The following PDE11A variants were observed in gnomAD, a reference collection of about 807,000 sequenced individuals.
PDE11A encodes the protein phosphodiesterase 11A.
PDE11A carries 100 observed loss-of-function variants against 100.5 expected under a neutral mutation model. The ratio of observed to expected loss-of-function variants is 1.00; its 90% CI spans 0.85 to 1.18. PDE11A has a LOEUF of 1.18. Among genes scored for constraint, PDE11A ranks in the 50% most tolerant of loss-of-function variants. PDE11A has a pLI of 0.00. For synonymous variants in PDE11A, 381 were observed against 420.8 expected (o/e 0.91, Z 1.16); for missense variants, 1,141 against 1,152.6 (o/e 0.99, Z 0.15).
At chr2:177,686,958 C>G (rs1282132912) in intron 15 of PDE11A, 1 of 151,966 alleles carries the variant, frequency 6.6e-6, no homozygotes, top group Non-Finnish European at 1.5e-5. Context: ...CTCAGGTAAT[C>G]CACTCACCTC....
At chr2:177,899,577 T>TC (rs1257733099) in intron 3 of PDE11A, 1 of 327,414 alleles carries the variant, frequency 3.1e-6, no homozygotes, top group East Asian at 1.3e-4. Context: ...CTAATACACA[T>TC]CCCTTACATA....
intron 5 of PDE11A, 60 bp downstream of exon 5, chr2:177,875,799 A>T: frequency 9.5e-7 from 1 of 1,049,402 alleles, no homozygotes; most frequent in South Asian, 1.3e-5. Context: ...GAATTATGCA[A>T]TGCTGCTAAC....
At chr2:177,981,752 A>G (rs925315489) in intron 2 of PDE11A, among the ~76,000 whole-genome samples, 4 of 151,188 alleles carry the variant, frequency 2.6e-5, no homozygotes, top group Non-Finnish European at 3.0e-5. Flanking sequence ...CTTGCTAGAA[A>G]TATTCTGCAG....
intron 10 of PDE11A, among the ~76,000 whole-genome samples, chr2:177,755,134 A>T (rs1015823788): frequency 6.6e-6 from 1 of 152,194 alleles, no homozygotes; most frequent in South Asian, 2.1e-4. Context: ...ATTAGTGAGG[A>T]GTTCCTGGAC....
At chr2:177,983,906 A>C (rs1040113644) in intron 2 of PDE11A, among the ~76,000 whole-genome samples, 1 of 152,182 alleles carries the variant, frequency 6.6e-6, no homozygotes, top group Non-Finnish European at 1.5e-5. Context: ...TTCTAGATGA[A>C]GAGTTCTGAA....
At chr2:177,778,691 G>A (rs367722881) in intron 9 of PDE11A, among the ~76,000 whole-genome samples, 22 of 152,262 alleles carry the variant, frequency 1.4e-4, no homozygotes, top group African/African-American at 3.4e-4. Context: ...GGAATAACCC[G>A]ACAGAAGTGT....
At chr2:178,061,601 G>C (rs191351653) in intron 1 of PDE11A, among the ~76,000 whole-genome samples, 1 of 152,222 alleles carries the variant, frequency 6.6e-6, no homozygotes, top group African/African-American at 2.4e-5. Context: ...AGATAAATAG[G>C]GAAGAGTAAA....
intron 1 of PDE11A, among the ~76,000 whole-genome samples, chr2:178,028,624 T>C (rs139478784): frequency 9.1e-4 from 138 of 152,312 alleles, no homozygotes; most frequent in African/African-American, 3.1e-3. Context: ...TTAGAACTGT[T>C]CTCTTGTCTG....
At chr2:177,987,812 C>G (rs35924394) in intron 2 of PDE11A, among the ~76,000 whole-genome samples, 9,553 of 152,184 alleles carry the variant, frequency 0.063, 314 homozygotes, top group South Asian at 0.094. Flanking sequence ...TTTGTGTTAT[C>G]ATAAAAGAAG....
intron 6 of PDE11A, among the ~76,000 whole-genome samples, chr2:177,835,814 C>A (rs186654435): frequency 2.0e-5 from 3 of 152,210 alleles, no homozygotes; most frequent in African/African-American, 7.2e-5. Flanking sequence ...ACTTAGCACC[C>A]GGGCCAGCAG....
intron 3 of PDE11A, among the ~76,000 whole-genome samples, chr2:177,899,804 C>A (rs1050368925): frequency 6.7e-6 from 1 of 150,008 alleles, no homozygotes; most frequent in African/African-American, 2.4e-5. Flanking sequence ...TACATATGTA[C>A]CCTCCTTAAT....
Position 177,737,420 on chromosome 2 carries a change from T to TACAC in PDE11A, c.1789-9252_1789-9249dup, listed in dbSNP as rs567621311. Reference sequence around the variant, plus strand: ...AGTGAAACCCCGTCTCTACTAAAAATACACACACACATACACACACACACA... The same window carrying TACAC: ...AGTGAAACCCCGTCTCTACTAAAAATACACACACACACACATACACACACACACA... On this transcript the variant is annotated intron_variant, in intron 10 of 19. Coordinates refer to ENST00000286063, the MANE Select transcript of PDE11A (RefSeq NM_016953.4). 1.8e-3 allele frequency among the ~76,000 whole-genome samples: 200 copies of TACAC among 110,504 alleles called. 13 individuals carry two copies. The highest frequency in any genetic ancestry group is 3.6e-3 in the African/African-American group (128 of 35,930). The allele number at this position is 110,504 out of a possible 152,430, so 72.5% of individuals were successfully genotyped here.
At chr2:178,047,386 C>T (rs1204476440) in intron 1 of PDE11A, among the ~76,000 whole-genome samples, 2 of 151,658 alleles carry the variant, frequency 1.3e-5, no homozygotes, top group Non-Finnish European at 2.9e-5. Context: ...TAGCTTGAAC[C>T]CAGGAGGCGG....
At chr2:177,803,307 T>TAACAAC (rs146272694) in intron 9 of PDE11A, among the ~76,000 whole-genome samples, 3,759 of 151,120 alleles carry the variant, frequency 0.025, 140 homozygotes, top group African/African-American at 0.086. Context: ...AAAAATCTCC[T>TAACAAC]AACAACAACA....
At chr2:177,675,670 C>T (rs779670586) in intron 16 of PDE11A, 152 bp from the exon 17 acceptor site, 103 of 717,632 alleles carry the variant, frequency 1.4e-4, no homozygotes, top group Non-Finnish European at 2.3e-4. Context: ...TGTTTATAGT[C>T]CCTGTGTTCA....
At chr2:177,796,929 C>T (rs533124611) in intron 9 of PDE11A, 18 of 152,284 alleles carry the variant, frequency 1.2e-4, no homozygotes, top group Non-Finnish European at 2.5e-4. Flanking sequence ...CTCCTAGGAT[C>T]TGCACTGTAA....
intron 5 of PDE11A, among the ~76,000 whole-genome samples, chr2:177,871,525 A>AATTATTATTATTATTATT (rs142275376): frequency 7.2e-6 from 1 of 138,266 alleles, no homozygotes; most frequent in Non-Finnish European, 1.5e-5. Context: ...GTCAGTAGTA[A>AATTATTATTATTATTATT]ATTATTATTA....
chr2:177,719,982 C>T (rs1370243041), intron 12 of PDE11A, among the ~76,000 whole-genome samples: 1 of 151,952 alleles, frequency 6.6e-6, no homozygotes, highest in Admixed American at 6.6e-5. Context: ...CTAATGGAAG[C>T]TGATGGTTCT....
intron 5 of PDE11A, among the ~76,000 whole-genome samples, chr2:177,850,115 T>C (rs1052729804): frequency 3.9e-5 from 6 of 152,158 alleles, no homozygotes; most frequent in African/African-American, 1.4e-4. Flanking sequence ...GGAGGCATCA[T>C]GCTACCTGAC....
Sources: gnomAD v4.1 joint callset for allele counts (sites outside exome capture counted in the v4.1 genomes callset) on GRCh38, gnomAD v4.1.1 for gene constraint, MANE v1.5 for transcripts, NCBI Gene and HGNC (gene_info 2026-07-23, HGNC 2026-07-21) for gene names.